ESD: variants seen among roughly 807,000 people sequenced by gnomAD.
ESD encodes the protein S-formylglutathione hydrolase.
Under a neutral mutation model 38.1 loss-of-function variants are expected in ESD, and 34 were observed. The observed-to-expected ratio is 0.89, with a 90% CI of 0.68 to 1.19. The LOEUF (loss-of-function observed/expected upper bound fraction) is 1.19, where lower values mean the gene tolerates loss of function less well. ESD is among the 50% of genes most tolerant of loss of function. The pLI is 0.00. For synonymous variants in ESD, 97 were observed against 107.0 expected (o/e 0.91, Z 0.58); for missense variants, 334 against 327.2 (o/e 1.02, Z -0.16).
At position 46,771,352 on chromosome 13, in the gene ESD, C is replaced by T. The variant is rs545772032; in HGVS notation, c.*64G>A. ...GTTTTGAATTTTTTTTTTTTTTGCT[C>T]AGCAATACAGTTGCATTTTACAACT... is the stretch of plus-strand genomic sequence containing the variant. On this transcript the variant is annotated 3_prime_UTR_variant, in exon 10 of 10. Coordinates refer to ENST00000378720, the MANE Select transcript of ESD (RefSeq NM_001984.2). 216 of 950,870 alleles carry T rather than the reference C, an allele frequency of 2.3e-4. No individual in the cohort carries two copies. In the African/African-American group the frequency reaches 3.1e-3, roughly 14 times the overall value. The allele number at this position is 950,870 out of a possible 1,614,324, so 58.9% of individuals were successfully genotyped here. A position where few individuals can be genotyped will look rare whatever the true frequency, so the allele number is the denominator to read the frequency against.
rs1307844114 is a variant in ESD at position 46,787,002 on chromosome 13, T to G, written c.157+19A>C. 6 of 1,404,482 alleles carry G rather than the reference T, an allele frequency of 4.3e-6. No individual in the cohort carries two copies. Among genetic ancestry groups the G allele is most frequent in the African/African-American group, 1.4e-5 (1 of 69,352 alleles). 87.0% of individuals were successfully genotyped at this position (1,404,482 alleles called of 1,614,324 possible). Reference sequence around the variant, plus strand: ...GAAAATAGAAACGACTTTATAAAACTCAAATGCATAATACTTACCTGAGAG... The same window carrying G: ...GAAAATAGAAACGACTTTATAAAACGCAAATGCATAATACTTACCTGAGAG... On this transcript the variant is annotated intron_variant, in intron 4 of 9. Transcript: ENST00000378720.
chr13:46,772,927 G>A (rs147426547), intron 9 of ESD, among the ~76,000 whole-genome samples: 2,950 of 152,106 alleles, frequency 0.019, 106 homozygotes, highest in African/African-American at 0.066. Flanking sequence ...CTTGTGATCC[G>A]TCCACCTTAG....
chr13:46,771,327 G>A lies in ESD; in HGVS notation c.*89C>T. ...CCCTTTTAGCACTATAAAATCCAAT[G>A]TTTTGAATTTTTTTTTTTTTTGCTC... On this transcript the variant is annotated 3_prime_UTR_variant, in exon 10 of 10. Transcript: ENST00000378720. The A allele has an allele frequency of 1.2e-6, 1 of 825,078 alleles. No homozygotes were observed. Among genetic ancestry groups the A allele is most frequent in the Non-Finnish European group, 1.9e-6 (1 of 519,582 alleles). 51.1% of individuals were successfully genotyped at this position (825,078 alleles called of 1,614,324 possible).
At chr13:46,780,369 T>C (rs897213461) in intron 7 of ESD, among the ~76,000 whole-genome samples, 2 of 151,756 alleles carry the variant, frequency 1.3e-5, no homozygotes, top group African/African-American at 4.8e-5. Context: ...TATAGTGATA[T>C]AAAACAGTTC....
At chr13:46,785,457 T>C (rs1320475737) in intron 4 of ESD, among the ~76,000 whole-genome samples, 1 of 152,056 alleles carries the variant, frequency 6.6e-6, no homozygotes, top group East Asian at 1.9e-4. Context: ...TTGGGAAAGA[T>C]ACAAATCACT....
intron 9 of ESD, chr13:46,776,888 C>CA (rs1324900590): frequency 2.0e-5 from 3 of 151,656 alleles, no homozygotes; most frequent in African/African-American, 7.3e-5. Flanking sequence ...ACTATGGTAG[C>CA]ATATATAGAG....
chr13:46,781,640 A>G (rs553862652), intron 6 of ESD, 25 bp from the exon 7 acceptor site: 1 of 1,586,490 alleles, frequency 6.3e-7, no homozygotes, highest in East Asian at 2.3e-5. Context: ...ATAGTGTGAC[A>G]AAAGATATCA....
intron 9 of ESD, chr13:46,777,203 T>TAA: frequency 3.8e-6 from 1 of 266,274 alleles, no homozygotes. Flanking sequence ...ATTCAAGCAT[T>TAA]AAAAATCTTG....
chr13:46,782,751 A>G lies in ESD; in HGVS notation c.297T>C (p.Phe99=), dbSNP rs1875052644. 6.2e-7 allele frequency: 1 copy of G among 1,612,406 alleles called. No homozygotes were observed. The highest frequency in any genetic ancestry group is 8.5e-7 in the Non-Finnish European group (1 of 1,178,868). ...CAACATAAAATCCAGCACCAGTGCCAAAGTCCCAGCTCTCATCTTCACCTT... is the reference window on the plus strand; with the variant it reads ...CAACATAAAATCCAGCACCAGTGCCGAAGTCCCAGCTCTCATCTTCACCTT... ...NIKGEDESWD[F]GTGAGFYVDA... Residue 99 remains phenylalanine (F), a synonymous_variant, in exon 6 of 10, where the codon TTT becomes TTC. Coordinates refer to ENST00000378720, the MANE Select transcript of ESD (RefSeq NM_001984.2).
intron 3 of ESD, among the ~76,000 whole-genome samples, chr13:46,789,991 C>CATATAT (rs1163985354): frequency 1.4e-5 from 2 of 140,284 alleles, no homozygotes; most frequent in African/African-American, 2.7e-5. Flanking sequence ...AATTTTTGTA[C>CATATAT]ATATATATAT....
At position 46,771,268 on chromosome 13, in the gene ESD, C is replaced by A. The variant is rs1365620182; in HGVS notation, c.*148G>T. 3 of 514,628 alleles carry A rather than the reference C, an allele frequency of 5.8e-6. 1 individual carries two copies. The East Asian group carries it at 9.5e-5, about 16-fold the overall frequency. 31.9% of individuals were successfully genotyped at this position (514,628 alleles called of 1,614,324 possible). On this transcript the variant is annotated 3_prime_UTR_variant, in exon 10 of 10. Coordinates refer to ENST00000378720, the MANE Select transcript of ESD (RefSeq NM_001984.2). Reference sequence around the variant, plus strand: ...TTAAAATCAGAAGTAGGTTTTATATCTTTATTCAGAGGTGATTCAACTATA... The same window carrying A: ...TTAAAATCAGAAGTAGGTTTTATATATTTATTCAGAGGTGATTCAACTATA...
At chr13:46,781,781 A>G (rs1875011620) in intron 6 of ESD, among the ~76,000 whole-genome samples, 166 bp from the exon 7 acceptor site, 1 of 151,926 alleles carries the variant, frequency 6.6e-6, no homozygotes, top group Admixed American at 6.6e-5. Context: ...CAGGCAGACC[A>G]TGATTATTAA....
intron 4 of ESD, 82 bp downstream of exon 4, chr13:46,786,939 C>T: frequency 2.5e-6 from 2 of 797,320 alleles, no homozygotes; most frequent in East Asian, 3.0e-5. Context: ...AAAAGCCTAC[C>T]AAGTTAAAAT....
chr13:46,781,274 T>C (rs963196189), intron 7 of ESD, among the ~76,000 whole-genome samples: 4 of 151,710 alleles, frequency 2.6e-5, no homozygotes, highest in African/African-American at 7.3e-5. Context: ...ATACTTCCAG[T>C]AGGCCAATAA....
intron 6 of ESD, among the ~76,000 whole-genome samples, 153 bp from the exon 7 acceptor site, chr13:46,781,768 C>A (rs1327604576): frequency 6.6e-6 from 1 of 151,798 alleles, no homozygotes; most frequent in Non-Finnish European, 1.5e-5. Flanking sequence ...AAAACTAAAT[C>A]CTCAGGCAGA....
At chr13:46,779,394 C>T (rs1394703766) in intron 8 of ESD, among the ~76,000 whole-genome samples, 2 of 151,406 alleles carry the variant, frequency 1.3e-5, no homozygotes, top group African/African-American at 2.4e-5. Context: ...ATCCCTAATC[C>T]AAAAATCCAA....
chr13:46,782,884 ATGG>A, intron 5 of ESD, 93 bp from the exon 6 acceptor site: 1 of 1,463,402 alleles, frequency 6.8e-7, no homozygotes, highest in Non-Finnish European at 9.3e-7. Flanking sequence ...GTCCATTTGC[ATGG>A]GAACTGTTCA....
intron 1 of ESD, among the ~76,000 whole-genome samples, chr13:46,796,645 G>T (rs977165675): frequency 6.6e-6 from 1 of 152,226 alleles, no homozygotes; most frequent in African/African-American, 2.4e-5. Context: ...ATTGGCTCGT[G>T]CCCCGACGCG....
Position 46,773,584 on chromosome 13 carries a change from G to A in ESD, c.769-2088C>T, listed in dbSNP as rs554034206. On this transcript the variant is annotated intron_variant, in intron 9 of 9. Coordinates refer to ENST00000378720, the MANE Select transcript of ESD (RefSeq NM_001984.2). Reference sequence around the variant, plus strand: ...TATCACTGACGCTTCAGAGAACAAGGAAATCCCCAAGGTTTTGATGAATCA... The same window carrying A: ...TATCACTGACGCTTCAGAGAACAAGAAAATCCCCAAGGTTTTGATGAATCA... Among the ~76,000 whole-genome samples, 22 of 152,300 alleles carry A rather than the reference G, an allele frequency of 1.4e-4. No homozygotes were observed. The East Asian group carries it at 4.2e-3, about 29-fold the overall frequency.
Sources: gnomAD v4.1 joint callset for allele counts (sites outside exome capture counted in the v4.1 genomes callset) on GRCh38, gnomAD v4.1.1 for gene constraint, MANE v1.5 for transcripts, NCBI Gene and HGNC (gene_info 2026-07-23, HGNC 2026-07-21) for gene names.